The following PRKAR2B variants were observed in gnomAD, a reference collection of about 807,000 sequenced individuals.
The protein encoded by PRKAR2B is protein kinase cAMP-dependent type II regulatory subunit beta, also known as cAMP-dependent protein kinase type II-beta regulatory subunit.
Under a neutral mutation model 49.9 loss-of-function variants are expected in PRKAR2B, and 14 were observed. The ratio of observed to expected loss-of-function variants is 0.28; its 90% CI spans 0.19 to 0.44. The LOEUF (loss-of-function observed/expected upper bound fraction) is 0.44, where lower values mean the gene tolerates loss of function less well. Among genes scored for constraint, PRKAR2B ranks in the 20% least tolerant of loss-of-function variants. The probability of loss-of-function intolerance (pLI) is 1.00; values close to 1 mark genes in which losing one functional copy is unlikely to be tolerated. For missense variants in PRKAR2B, 393 were observed against 537.9 expected, an observed-to-expected ratio of 0.73 and a Z score of 2.67; for synonymous variants, 196 against 197.7, an observed-to-expected ratio of 0.99 and a Z score of 0.07.
chr7:107,152,443 CA>C (rs1422858938), intron 7 of PRKAR2B, among the ~76,000 whole-genome samples: 1 of 152,180 alleles, frequency 6.6e-6, no homozygotes, highest in South Asian at 2.1e-4. Context: ...TTTCTCAGCC[CA>C]GAGGTCTTCT....
At chr7:107,052,800 ATGTACCT>A (rs1299970490) in intron 1 of PRKAR2B, among the ~76,000 whole-genome samples, 1 of 152,180 alleles carries the variant, frequency 6.6e-6, no homozygotes, top group East Asian at 1.9e-4. Context: ...TTAGCATTTC[ATGTACCT>A]TAGAAACTCA....
intron 7 of PRKAR2B, among the ~76,000 whole-genome samples, chr7:107,151,458 C>T (rs1795986302): frequency 6.6e-6 from 1 of 152,228 alleles, no homozygotes; most frequent in Non-Finnish European, 1.5e-5. Flanking sequence ...TCCTTGGCCT[C>T]TTCTCTTTTC....
intron 2 of PRKAR2B, among the ~76,000 whole-genome samples, chr7:107,120,984 T>A (rs1305019584): frequency 1.3e-5 from 2 of 150,806 alleles, no homozygotes; most frequent in African/African-American, 2.4e-5. Context: ...ATAAATAATT[T>A]AAAATTTTTT....
At chr7:107,101,155 T>C (rs1455749105) in intron 2 of PRKAR2B, among the ~76,000 whole-genome samples, 1 of 150,358 alleles carries the variant, frequency 6.7e-6, no homozygotes, top group Non-Finnish European at 1.5e-5. Flanking sequence ...TTTTTTTTTT[T>C]TTTGTAGCTT....
At chr7:107,075,001 C>A (rs1794369526) in intron 2 of PRKAR2B, among the ~76,000 whole-genome samples, 1 of 151,764 alleles carries the variant, frequency 6.6e-6, no homozygotes, top group Non-Finnish European at 1.5e-5. Context: ...AAGTTGTTTA[C>A]TTCTTTGAGT....
chr7:107,123,020 C>G (rs1430452664), intron 3 of PRKAR2B, among the ~76,000 whole-genome samples: 7 of 152,296 alleles, frequency 4.6e-5, no homozygotes, highest in Admixed American at 3.9e-4. Context: ...TGTTACCCCT[C>G]TGTATAGTCT....
At chr7:107,155,301 C>G (rs896530695) in intron 8 of PRKAR2B, among the ~76,000 whole-genome samples, 1 of 152,100 alleles carries the variant, frequency 6.6e-6, no homozygotes, top group African/African-American at 2.4e-5. Context: ...GCCTGTAATC[C>G]CAGCACTTTG....
intron 6 of PRKAR2B, among the ~76,000 whole-genome samples, chr7:107,150,698 T>TAA (rs58258955): frequency 3.6e-5 from 5 of 140,630 alleles, no homozygotes; most frequent in Non-Finnish European, 7.7e-5. Context: ...ATGCTTTCTT[T>TAA]AAAAAAAAAA....
chr7:107,084,523 C>T (rs946153660), intron 2 of PRKAR2B, among the ~76,000 whole-genome samples: 25 of 151,642 alleles, frequency 1.6e-4, no homozygotes, highest in Admixed American at 1.4e-3. Context: ...CAGTTTAGTT[C>T]GGTTTATTAT....
At chr7:107,124,020 T>C (rs1562864288) in intron 3 of PRKAR2B, among the ~76,000 whole-genome samples, 1 of 152,198 alleles carries the variant, frequency 6.6e-6, no homozygotes, top group Non-Finnish European at 1.5e-5. Flanking sequence ...TATTGGGAAA[T>C]ATCTATGAGG....
At chr7:107,155,399 CA>C (rs1196173215) in intron 8 of PRKAR2B, among the ~76,000 whole-genome samples, 1 of 151,918 alleles carries the variant, frequency 6.6e-6, no homozygotes, top group Admixed American at 6.6e-5. Context: ...AATAAAAATA[CA>C]AAAAAATAAA....
intron 2 of PRKAR2B, among the ~76,000 whole-genome samples, chr7:107,095,503 C>T (rs892470135): frequency 2.6e-5 from 4 of 152,024 alleles, no homozygotes; most frequent in African/African-American, 9.7e-5. Context: ...TTTCTTTCTC[C>T]TGCCTGATTG....
chr7:107,144,210 C>T (rs113512579), intron 5 of PRKAR2B, among the ~76,000 whole-genome samples: 4,452 of 151,786 alleles, frequency 0.029, 215 homozygotes, highest in African/African-American at 0.1. Context: ...CTCAACCTCC[C>T]GAGTAGCTGG....
At chr7:107,046,553 G>T (rs1286269897) in intron 1 of PRKAR2B, among the ~76,000 whole-genome samples, 1 of 152,080 alleles carries the variant, frequency 6.6e-6, no homozygotes, top group African/African-American at 2.4e-5. Flanking sequence ...TTTAATTTTG[G>T]ACTTCTAAAT....
At chr7:107,093,105 G>A (rs1044330687) in intron 2 of PRKAR2B, among the ~76,000 whole-genome samples, 1 of 152,106 alleles carries the variant, frequency 6.6e-6, no homozygotes, top group Non-Finnish European at 1.5e-5. Context: ...TATCACATTT[G>A]TTTATTCATT....
chr7:107,072,046 G>A (rs918377670), intron 2 of PRKAR2B, among the ~76,000 whole-genome samples: 4 of 150,446 alleles, frequency 2.7e-5, no homozygotes, highest in Non-Finnish European at 4.4e-5. Flanking sequence ...TCCAGCCTGG[G>A]TGACAGGGTG....
intron 2 of PRKAR2B, among the ~76,000 whole-genome samples, chr7:107,120,927 A>G (rs1320796533): frequency 1.3e-5 from 2 of 151,618 alleles, no homozygotes; most frequent in African/African-American, 2.4e-5. Flanking sequence ...AGGAAATACA[A>G]CCATCCTATA....
chr7:107,078,212 A>AG (rs925944413), intron 2 of PRKAR2B: 1 of 152,272 alleles, frequency 6.6e-6, no homozygotes, highest in African/African-American at 2.4e-5. Flanking sequence ...AAAAAAAAAA[A>AG]AAAAAGAAAA....
intron 8 of PRKAR2B, among the ~76,000 whole-genome samples, chr7:107,155,566 A>G (rs1796066818): frequency 6.6e-6 from 1 of 152,104 alleles, no homozygotes; most frequent in South Asian, 2.1e-4. Flanking sequence ...TGCCATTCTG[A>G]CTGGCGTGAG....
Sources: allele counts gnomAD v4.1 joint callset (sites outside exome capture counted in the v4.1 genomes callset), GRCh38; gene constraint gnomAD v4.1.1; transcripts MANE v1.5; gene names NCBI Gene and HGNC (gene_info 2026-07-23, HGNC 2026-07-21).